The following HS6ST3 variants were observed in gnomAD, a reference collection of about 807,000 sequenced individuals.
HS6ST3 encodes the protein heparan sulfate 6-O-sulfotransferase 3.
In HS6ST3, 12 loss-of-function variants were observed where a neutral mutation model predicts 36.7. The ratio of observed to expected loss-of-function variants is 0.33; its 90% confidence interval spans 0.21 to 0.53. HS6ST3 has a LOEUF of 0.53. HS6ST3 is among the 20% of genes least tolerant of loss of function. HS6ST3 has a pLI of 0.95. For missense variants in HS6ST3, 584 were observed against 640.9 expected, an observed-to-expected ratio of 0.91 and a Z score of 0.96; for synonymous variants, 240 against 257.5, an observed-to-expected ratio of 0.93 and a Z score of 0.65.
intron 1 of HS6ST3, among the ~76,000 whole-genome samples, chr13:96,642,901 C>T (rs1322017306): frequency 6.6e-6 from 1 of 151,882 alleles, no homozygotes; most frequent in Non-Finnish European, 1.5e-5. Flanking sequence ...TGGCCTTCCT[C>T]AGGGACAGTT....
chr13:96,562,313 G>A (rs77697491), intron 1 of HS6ST3, among the ~76,000 whole-genome samples: 1 of 152,122 alleles, frequency 6.6e-6, no homozygotes, highest in South Asian at 2.1e-4. Flanking sequence ...TTATAAGTGG[G>A]AGCTAAACAA....
chr13:96,583,149 T>C (rs2056347813), intron 1 of HS6ST3, among the ~76,000 whole-genome samples: 1 of 151,698 alleles, frequency 6.6e-6, no homozygotes, highest in Non-Finnish European at 1.5e-5. Flanking sequence ...TAAAACTCTA[T>C]TTATGTCATT....
In HS6ST3 at chr13:96,294,821, C is replaced by T. The variant is rs148550968; in HGVS notation, c.707+203252C>T. ...TACTGAATATTTTAGGTAATAAAAA[C>T]GTGGATCTTGGTAATGAACATGGGT... On this transcript the variant is annotated intron_variant, in intron 1 of 1. Coordinates refer to ENST00000376705, the MANE Select transcript of HS6ST3 (RefSeq NM_153456.4). Among the ~76,000 whole-genome samples, 116 of 151,926 alleles carry T rather than the reference C, an allele frequency of 7.6e-4. 2 individuals are homozygous for T. Among genetic ancestry groups the T allele is most frequent in the African/African-American group, 2.5e-3 (105 of 41,444 alleles).
At chr13:96,452,088 A>G (rs2055730904) in intron 1 of HS6ST3, among the ~76,000 whole-genome samples, 1 of 152,216 alleles carries the variant, frequency 6.6e-6, no homozygotes, top group Admixed American at 6.5e-5. Context: ...TAATTTTCAC[A>G]TTGCAATGAA....
chr13:96,655,934 T>G (rs2056623114), intron 1 of HS6ST3, among the ~76,000 whole-genome samples: 4 of 152,122 alleles, frequency 2.6e-5, no homozygotes, highest in Admixed American at 2.6e-4. Flanking sequence ...TAGTTCATGA[T>G]AGTAAAATAT....
At chr13:96,206,543 A>G (rs2054371270) in intron 1 of HS6ST3, among the ~76,000 whole-genome samples, 1 of 152,212 alleles carries the variant, frequency 6.6e-6, no homozygotes, top group Admixed American at 6.5e-5. Flanking sequence ...GCATCATGCT[A>G]CCCAACTTCA....
At chr13:96,486,170 T>C (rs947258295) in intron 1 of HS6ST3, among the ~76,000 whole-genome samples, 3 of 152,052 alleles carry the variant, frequency 2.0e-5, no homozygotes, top group Non-Finnish European at 4.4e-5. Context: ...CAGCTTCATC[T>C]ATGTCCCTAC....
rs1304544254 is a variant in HS6ST3, at chr13:96,717,866, A to G, written c.708-114624A>G. ...TTGCACATATGTGTGGGGAAATTTC[A>G]TTTTTAATGCATCACTTGTCTATAT... On this transcript the variant is annotated intron_variant, in intron 1 of 1. Transcript: ENST00000376705. Among the ~76,000 whole-genome samples, 8 of 152,272 alleles carry G rather than the reference A, an allele frequency of 5.3e-5. No individual in the cohort carries two copies. The East Asian group carries it at 1.2e-3, about 22-fold the overall frequency.
At chr13:96,319,655 T>C (rs534292084) in intron 1 of HS6ST3, among the ~76,000 whole-genome samples, 8 of 152,324 alleles carry the variant, frequency 5.3e-5, no homozygotes, top group African/African-American at 1.4e-4. Context: ...AGGCTTTTAA[T>C]TGAATTTTTG....
At chr13:96,409,548 G>A (rs1487135345) in intron 1 of HS6ST3, among the ~76,000 whole-genome samples, 1 of 152,156 alleles carries the variant, frequency 6.6e-6, no homozygotes, top group Non-Finnish European at 1.5e-5. Context: ...ACGGCTGAGT[G>A]TCAGGTTATA....
At chr13:96,832,301 G>GA (rs1449237783) in intron 1 of HS6ST3, among the ~76,000 whole-genome samples, 189 bp from the exon 2 acceptor site, 2 of 152,168 alleles carry the variant, frequency 1.3e-5, no homozygotes, top group Non-Finnish European at 2.9e-5. Context: ...ACTCAGTATT[G>GA]AAAATTGGTA....
intron 1 of HS6ST3, among the ~76,000 whole-genome samples, chr13:96,654,740 T>TG (rs1468917860): frequency 6.6e-5 from 10 of 152,116 alleles, no homozygotes; most frequent in Non-Finnish European, 1.2e-4. Context: ...ATATTTTTAA[T>TG]TTTTTTAAAC....
intron 1 of HS6ST3, among the ~76,000 whole-genome samples, chr13:96,410,761 T>G (rs2055503624): frequency 1.3e-5 from 2 of 152,174 alleles, no homozygotes; most frequent in Non-Finnish European, 2.9e-5. Flanking sequence ...GCAGAGAATA[T>G]CACTTTGTCA....
At chr13:96,262,259 T>C (rs1045290787) in intron 1 of HS6ST3, among the ~76,000 whole-genome samples, 1 of 152,170 alleles carries the variant, frequency 6.6e-6, no homozygotes. Context: ...AAAATAGAAA[T>C]AGAAGGCAAA....
chr13:96,836,607 A>G lies in HS6ST3; in HGVS notation c.*3409A>G, dbSNP rs1414464480. On this transcript the variant is annotated 3_prime_UTR_variant, in exon 2 of 2. Coordinates refer to ENST00000376705, the MANE Select transcript of HS6ST3 (RefSeq NM_153456.4). The stretch of plus-strand genomic sequence containing the variant: ...TTGATTAAAAGTTTGAAGTATGAGG[A>G]CTCCTTGTTATGCCTTTAAGGTAAT... 1 of 152,058 alleles carries G rather than the reference A, an allele frequency of 6.6e-6. No homozygotes were observed. Among genetic ancestry groups the G allele is most frequent in the Non-Finnish European group, 1.5e-5 (1 of 68,034 alleles). 9.4% of individuals were successfully genotyped at this position (152,058 alleles called of 1,614,324 possible). A position where few individuals can be genotyped will look rare whatever the true frequency, so the allele number is the denominator to read the frequency against.
intron 1 of HS6ST3, among the ~76,000 whole-genome samples, chr13:96,486,817 T>C (rs1418797834): frequency 6.6e-6 from 1 of 152,154 alleles, no homozygotes; most frequent in Admixed American, 6.6e-5. Context: ...AGAACAGCCT[T>C]GATGTGACCT....
At chr13:96,150,872 CTG>C (rs1374105623) in intron 1 of HS6ST3, among the ~76,000 whole-genome samples, 2 of 152,092 alleles carry the variant, frequency 1.3e-5, no homozygotes, top group Non-Finnish European at 1.5e-5. Context: ...AACTATATAA[CTG>C]TATATAATGT....
At chr13:96,349,990 C>A (rs2055174214) in intron 1 of HS6ST3, among the ~76,000 whole-genome samples, 1 of 151,436 alleles carries the variant, frequency 6.6e-6, no homozygotes, top group Non-Finnish European at 1.5e-5. Context: ...GTCATTGGAA[C>A]AATCTTCAGA....
At chr13:96,675,098 C>T (rs931224346) in intron 1 of HS6ST3, among the ~76,000 whole-genome samples, 1 of 152,088 alleles carries the variant, frequency 6.6e-6, no homozygotes. Flanking sequence ...AGTCTCCACT[C>T]CTGATCTTTG....
Sources: allele counts gnomAD v4.1 joint callset (sites outside exome capture counted in the v4.1 genomes callset), GRCh38; gene constraint gnomAD v4.1.1; transcripts MANE v1.5; gene names NCBI Gene and HGNC (gene_info 2026-07-23, HGNC 2026-07-21).